GABRA2: variants seen among roughly 807,000 people sequenced by gnomAD.
GABRA2 encodes gamma-aminobutyric acid type A receptor subunit alpha2.
GABRA2 carries 16 observed loss-of-function variants against 48.7 expected under a neutral mutation model. The observed-to-expected ratio is 0.33, with a 90% CI of 0.22 to 0.50. The LOEUF is 0.50. Among genes scored for constraint, GABRA2 ranks in the 20% least tolerant of loss-of-function variants. The pLI, the probability that GABRA2 is intolerant of heterozygous loss-of-function variation, is 0.98. For missense variants in GABRA2, 275 were observed against 535.6 expected (o/e 0.51, Z 4.80); for synonymous variants, 185 against 184.5 (o/e 1.00, Z -0.02).
chr4:46,389,412 G>C (rs960751751), intron 1 of GABRA2: 1 of 985,340 alleles, frequency 1.0e-6, no homozygotes, highest in South Asian at 4.7e-5. Context: ...ATCACAATAA[G>C]AGAAGGCGCG....
intron 3 of GABRA2, among the ~76,000 whole-genome samples, chr4:46,336,845 C>T (rs892728811): frequency 6.6e-6 from 1 of 152,056 alleles, no homozygotes; most frequent in East Asian, 1.9e-4. Context: ...TCTTACTCTT[C>T]TGTTACTTCT....
At chr4:46,323,275 G>A (rs1348096018) in intron 4 of GABRA2, among the ~76,000 whole-genome samples, 2 of 151,866 alleles carry the variant, frequency 1.3e-5, no homozygotes, top group African/African-American at 4.8e-5. Flanking sequence ...AAATTCCTAA[G>A]AGCATTCTAG....
At chr4:46,352,851 G>A (rs1578144819) in intron 3 of GABRA2, among the ~76,000 whole-genome samples, 1 of 152,172 alleles carries the variant, frequency 6.6e-6, no homozygotes, top group East Asian at 1.9e-4. Context: ...CAATGTAATG[G>A]GAGGTGAAAA....
chr4:46,300,906 C>CT (rs1414276734), intron 8 of GABRA2, among the ~76,000 whole-genome samples: 1 of 152,036 alleles, frequency 6.6e-6, no homozygotes, highest in Non-Finnish European at 1.5e-5. Flanking sequence ...AGCCTCTTAA[C>CT]TTTTCCCCTA....
At chr4:46,284,850 T>G (rs930323996) in intron 8 of GABRA2, among the ~76,000 whole-genome samples, 6 of 152,074 alleles carry the variant, frequency 3.9e-5, no homozygotes, top group African/African-American at 1.2e-4. Flanking sequence ...TTATTAAAAC[T>G]TGTGTGGATT....
At chr4:46,336,084 G>A (rs1054755604) in intron 3 of GABRA2, among the ~76,000 whole-genome samples, 1 of 152,114 alleles carries the variant, frequency 6.6e-6, no homozygotes, top group Non-Finnish European at 1.5e-5. Context: ...ACAAAGAACA[G>A]GGACTGCACT....
At chr4:46,324,632 T>C (rs1372904607) in intron 4 of GABRA2, among the ~76,000 whole-genome samples, 2 of 151,886 alleles carry the variant, frequency 1.3e-5, no homozygotes, top group Non-Finnish European at 2.9e-5. Flanking sequence ...CACAACTAGA[T>C]TGCATGTTGC....
chr4:46,341,270 G>C (rs1733175151), intron 3 of GABRA2, among the ~76,000 whole-genome samples: 1 of 151,764 alleles, frequency 6.6e-6, no homozygotes, highest in African/African-American at 2.4e-5. Context: ...TCTGTATATG[G>C]AACATATTTT....
Position 46,312,490 on chromosome 4 carries a change from A to C in GABRA2, c.476+6T>G. The C allele has an allele frequency of 6.3e-7, 1 of 1,588,318 alleles. No individual in the cohort carries two copies. The highest frequency in any genetic ancestry group is 8.6e-7 in the Non-Finnish European group (1 of 1,159,654). On this transcript the variant is annotated splice_donor_region_variant and intron_variant, in intron 5 of 9. Transcript: ENST00000381620. ...TAAATACATCACATCAAACCTAAAAACATACCTCATGGTATACAGCAGAGT... is the reference window on the plus strand; with the variant it reads ...TAAATACATCACATCAAACCTAAAACCATACCTCATGGTATACAGCAGAGT...
At chr4:46,330,604 A>AGAGAGAGAGAGAGG (rs1731191999) in intron 4 of GABRA2, among the ~76,000 whole-genome samples, 1 of 149,650 alleles carries the variant, frequency 6.7e-6, no homozygotes, top group African/African-American at 2.4e-5. Context: ...AGAGAGAGAG[A>AGAGAGAGAGAGAGG]GAGAGATGTT....
chr4:46,329,933 T>C (rs767288157), intron 4 of GABRA2, among the ~76,000 whole-genome samples: 74 of 152,056 alleles, frequency 4.9e-4, no homozygotes, highest in Admixed American at 9.8e-4. Context: ...TTAAGGGAAA[T>C]GTATTATTAG....
intron 4 of GABRA2, among the ~76,000 whole-genome samples, chr4:46,319,852 TAGAC>T (rs915693904): frequency 6.6e-6 from 1 of 151,854 alleles, no homozygotes; most frequent in African/African-American, 2.4e-5. Context: ...ATAGTTATAG[TAGAC>T]AGCAATTTAC....
At chr4:46,385,404 T>C (rs566601499) in intron 3 of GABRA2, among the ~76,000 whole-genome samples, 2 of 152,020 alleles carry the variant, frequency 1.3e-5, no homozygotes, top group Admixed American at 1.3e-4. Flanking sequence ...AATAAAAATA[T>C]ATTTATTTTT....
At chr4:46,385,107 A>G (rs1717273125) in intron 3 of GABRA2, among the ~76,000 whole-genome samples, 1 of 139,174 alleles carries the variant, frequency 7.2e-6, no homozygotes, top group African/African-American at 2.6e-5. Context: ...ATATATATAT[A>G]TAAACAAAAC....
At chr4:46,258,784 T>G (rs1716370754) in intron 9 of GABRA2, among the ~76,000 whole-genome samples, 1 of 151,848 alleles carries the variant, frequency 6.6e-6, no homozygotes, top group Admixed American at 6.6e-5. Flanking sequence ...TAAAAAAATT[T>G]AATGGGGATT....
chr4:46,299,532 A>G (rs1725361577), intron 8 of GABRA2, among the ~76,000 whole-genome samples: 1 of 151,850 alleles, frequency 6.6e-6, no homozygotes, highest in African/African-American at 2.4e-5. Context: ...TGTTCCTCCA[A>G]TAGTGTAATA....
At chr4:46,384,396 T>A (rs932165122) in intron 3 of GABRA2, among the ~76,000 whole-genome samples, 1 of 152,210 alleles carries the variant, frequency 6.6e-6, no homozygotes, top group Non-Finnish European at 1.5e-5. Flanking sequence ...AACAAGGTAA[T>A]GTAAATCTCT....
chr4:46,354,224 G>A (rs1735620161), intron 3 of GABRA2, among the ~76,000 whole-genome samples: 1 of 152,148 alleles, frequency 6.6e-6, no homozygotes, highest in East Asian at 1.9e-4. Flanking sequence ...GTAAGTGGCA[G>A]AGCCAATATT....
chr4:46,320,394 C>T (rs549639373), intron 4 of GABRA2, among the ~76,000 whole-genome samples: 1 of 151,818 alleles, frequency 6.6e-6, no homozygotes, highest in African/African-American at 2.4e-5. Flanking sequence ...TTGAACATCA[C>T]TCCAAAAGCT....
Sources: allele counts gnomAD v4.1 joint callset (sites outside exome capture counted in the v4.1 genomes callset), GRCh38; gene constraint gnomAD v4.1.1; transcripts MANE v1.5; gene names NCBI Gene and HGNC (gene_info 2026-07-23, HGNC 2026-07-21).